THADA: variants seen among roughly 807,000 people sequenced by gnomAD.
The protein encoded by THADA is THADA armadillo repeat containing.
THADA carries 213 observed loss-of-function variants against 219.8 expected under a neutral mutation model. The observed-to-expected ratio is 0.97, with a 90% CI of 0.87 to 1.09. THADA has a LOEUF of 1.09. THADA is among the 50% of genes least tolerant of loss of function. The pLI is 0.00. For synonymous variants in THADA, 1,018 were observed against 828.9 expected, an observed-to-expected ratio of 1.23 and a Z score of -3.92; for missense variants, 2,956 against 2,311.3, an observed-to-expected ratio of 1.28 and a Z score of -5.72.
intron 29 of THADA, among the ~76,000 whole-genome samples, chr2:43,362,327 A>T (rs1282527217): frequency 2.0e-5 from 3 of 152,196 alleles, no homozygotes; most frequent in African/African-American, 7.2e-5. Flanking sequence ...ATAATTTTTG[A>T]TTTACAAGAA....
chr2:43,384,103 A>G lies in THADA; in HGVS notation c.4227+13868T>C, dbSNP rs537969029. Among the ~76,000 whole-genome samples the G allele has an allele frequency of 1.2e-4, 19 of 152,336 alleles. No individual in the cohort carries two copies. In the East Asian group the frequency reaches 3.7e-3, roughly 29 times the overall value. ...AAGAGTTAACTTCTGAAATGGACAG[A>G]CAACTGAAAATTATGCACCTCTACT... On this transcript the variant is annotated intron_variant, in intron 29 of 37. Transcript: ENST00000405975.
At chr2:43,321,314 TC>T (rs1377259742) in intron 30 of THADA, among the ~76,000 whole-genome samples, 1 of 152,124 alleles carries the variant, frequency 6.6e-6, no homozygotes, top group Non-Finnish European at 1.5e-5. Context: ...TACAATTGAG[TC>T]CTGGCTTTCC....
intron 26 of THADA, among the ~76,000 whole-genome samples, chr2:43,484,816 T>C (rs985063250): frequency 2.0e-5 from 3 of 152,032 alleles, no homozygotes; most frequent in African/African-American, 7.2e-5. Flanking sequence ...ATGTGAGAGA[T>C]GTTCTAATGA....
intron 25 of THADA, among the ~76,000 whole-genome samples, chr2:43,489,874 CAAAAAAAAAAA>C: frequency 1.8e-5 from 1 of 56,070 alleles, no homozygotes; most frequent in Admixed American, 1.6e-4. Context: ...TTAAGATCTG[CAAAAAAAAAAA>C]AAAAAAAAAG....
intron 26 of THADA, among the ~76,000 whole-genome samples, chr2:43,474,943 T>A (rs1685335792): frequency 6.6e-6 from 1 of 151,964 alleles, no homozygotes; most frequent in African/African-American, 2.4e-5. Context: ...ATGGACCACT[T>A]CTATAGAGGC....
chr2:43,396,207 G>A (rs1286254192), intron 29 of THADA, among the ~76,000 whole-genome samples: 1 of 152,170 alleles, frequency 6.6e-6, no homozygotes, highest in African/African-American at 2.4e-5. Context: ...CCCACTTGGG[G>A]GCTACCCACT....
chr2:43,575,729 G>C (rs1465339936), intron 10 of THADA, among the ~76,000 whole-genome samples: 1 of 151,940 alleles, frequency 6.6e-6, no homozygotes. Context: ...GTAGAGACAG[G>C]GTTTCACCAT....
At position 43,508,704 on chromosome 2, in the gene THADA, G is replaced by C; in HGVS notation, c.3451C>G (p.Pro1151Ala). ...CTTGTAGCACAGAGTTTAGATGAAG[G>C]ATCACTGCATTTAATTTCCTCTAAA... ...SVLEEIKCSD[P>A]SSKLCATRRS... The change falls in exon 23 of 38, where the codon CCT (proline) becomes GCT (alanine). Residue 1151 changes from proline (P) to alanine (A), a missense_variant. By Grantham distance (27) the Pro-to-Ala change is conservative. Coordinates refer to ENST00000405975, the MANE Select transcript of THADA (RefSeq NM_022065.5). 1 of 1,613,662 alleles carries C rather than the reference G, an allele frequency of 6.2e-7. No homozygotes were observed. The highest frequency in any genetic ancestry group is 8.5e-7 in the Non-Finnish European group (1 of 1,179,694).
At chr2:43,284,874 G>C (rs1303083817) in intron 35 of THADA, among the ~76,000 whole-genome samples, 1 of 152,228 alleles carries the variant, frequency 6.6e-6, no homozygotes, top group East Asian at 1.9e-4. Context: ...AGCATGCCCT[G>C]GATGTGAGAC....
intron 26 of THADA, among the ~76,000 whole-genome samples, chr2:43,435,931 T>G (rs192717564): frequency 7.9e-5 from 12 of 152,138 alleles, no homozygotes; most frequent in Admixed American, 5.2e-4. Context: ...CCAGGCAGCC[T>G]AGTTAGTACA....
chr2:43,523,600 G>C (rs1574074871), intron 22 of THADA, among the ~76,000 whole-genome samples: 1 of 152,086 alleles, frequency 6.6e-6, no homozygotes, highest in Non-Finnish European at 1.5e-5. Flanking sequence ...AATCATGGTA[G>C]CTATAATTAA....
chr2:43,419,279 T>A (rs1387837532), intron 28 of THADA, among the ~76,000 whole-genome samples: 2 of 152,174 alleles, frequency 1.3e-5, no homozygotes, highest in African/African-American at 4.8e-5. Context: ...AGAATGTCTA[T>A]AACTGGTTGG....
At chr2:43,273,596 CT>C (rs930545924) in intron 36 of THADA, among the ~76,000 whole-genome samples, 4 of 152,146 alleles carry the variant, frequency 2.6e-5, no homozygotes, top group African/African-American at 9.7e-5. Context: ...ACTCTGTGAT[CT>C]GGCAGGAACT....
rs756875143 is a variant in THADA at position 43,429,173 on chromosome 2, T to C, written c.3927-942A>G. The stretch of plus-strand genomic sequence containing the variant: ...CCCAAGCTGGAGTGCAGTGGCAAGA[T>C]CTCAGCTCACTGCAACCTCTGCCTC... On this transcript the variant is annotated intron_variant, in intron 27 of 37. Coordinates refer to ENST00000405975, the MANE Select transcript of THADA (RefSeq NM_022065.5). Among the ~76,000 whole-genome samples the C allele has an allele frequency of 2.0e-5, 3 of 150,266 alleles. No individual in the cohort carries two copies. The South Asian group carries it at 6.4e-4, about 32-fold the overall frequency.
intron 31 of THADA, among the ~76,000 whole-genome samples, chr2:43,301,131 C>G (rs1676214944): frequency 6.6e-6 from 1 of 152,128 alleles, no homozygotes; most frequent in South Asian, 2.1e-4. Context: ...TGCTCTGCAC[C>G]CCAGCTGAGA....
intron 26 of THADA, among the ~76,000 whole-genome samples, chr2:43,434,201 T>C (rs1182110606): frequency 6.6e-6 from 1 of 152,098 alleles, no homozygotes; most frequent in Admixed American, 6.5e-5. Flanking sequence ...CGTATAAAAC[T>C]TGATTTGTGT....
chr2:43,392,216 T>C (rs10168732), intron 29 of THADA, among the ~76,000 whole-genome samples: 7,450 of 152,296 alleles, frequency 0.049, 528 homozygotes, highest in African/African-American at 0.15. Context: ...ATTAAAATTC[T>C]TAAAGCACTA....
At chr2:43,433,164 T>C (rs1294213390) in intron 26 of THADA, among the ~76,000 whole-genome samples, 3 of 152,118 alleles carry the variant, frequency 2.0e-5, no homozygotes, top group Non-Finnish European at 4.4e-5. Flanking sequence ...CAAGGTTCTT[T>C]TTTTCCACAT....
rs144526347 is a variant in THADA at position 43,274,031 on chromosome 2, C to G, written c.5296+5734G>C. Among the ~76,000 whole-genome samples, 27 of 152,306 alleles carry G rather than the reference C, an allele frequency of 1.8e-4. 1 individual carries two copies. In the East Asian group the frequency reaches 5.0e-3, roughly 28 times the overall value. On this transcript the variant is annotated intron_variant, in intron 36 of 37. Coordinates refer to ENST00000405975, the MANE Select transcript of THADA (RefSeq NM_022065.5). ...CTGAGTCTCATTTTTCTACATCTCGCTCCTACTTCCCCTCTTCCACCTCCC... is the reference window on the plus strand; with the variant it reads ...CTGAGTCTCATTTTTCTACATCTCGGTCCTACTTCCCCTCTTCCACCTCCC...
Sources: allele counts gnomAD v4.1 joint callset (sites outside exome capture counted in the v4.1 genomes callset), GRCh38; gene constraint gnomAD v4.1.1; transcripts MANE v1.5; gene names NCBI Gene and HGNC (gene_info 2026-07-23, HGNC 2026-07-21).